Variants in GNB1 observed in about 807,000 individuals in gnomAD.
GNB1 encodes guanine nucleotide-binding protein G(I)/G(S)/G(T) subunit beta-1.
Under a neutral mutation model 42.9 loss-of-function variants are expected in GNB1, and 2 were observed. The observed-to-expected ratio is 0.05, with a 90% CI of 0.02 to 0.15. The LOEUF (loss-of-function observed/expected upper bound fraction) is 0.15, where lower values mean the gene tolerates loss of function less well. Among genes scored for constraint, GNB1 ranks in the 10% least tolerant of loss-of-function variants. The pLI, the probability that GNB1 is intolerant of heterozygous loss-of-function variation, is 1.00. For missense variants in GNB1, 193 were observed against 462.2 expected, an observed-to-expected ratio of 0.42 and a Z score of 5.34; for synonymous variants, 183 against 174.7, an observed-to-expected ratio of 1.05 and a Z score of -0.38.
At position 1,838,990 on chromosome 1, in the gene GNB1, G is replaced by A. The variant is rs77197462; in HGVS notation, c.-47+200C>T. 8.4e-3 allele frequency among the ~76,000 whole-genome samples: 1,284 copies of A among 152,232 alleles called. 22 individuals carry two copies. Among genetic ancestry groups the A allele is most frequent in the African/African-American group, 0.029 (1,224 of 41,518 alleles). Reference sequence around the variant, plus strand: ...CAGGGTATTGACCAGGCATGCTGGCGTATGTCTATAGCCTCAGCTACTCAG... The same window carrying A: ...CAGGGTATTGACCAGGCATGCTGGCATATGTCTATAGCCTCAGCTACTCAG... On this transcript the variant is annotated intron_variant, in intron 2 of 11. Transcript: ENST00000378609.
At chr1:1,884,368 C>T (rs1358356954) in intron 1 of GNB1, among the ~76,000 whole-genome samples, 5 of 151,890 alleles carry the variant, frequency 3.3e-5, no homozygotes, top group Non-Finnish European at 5.9e-5. Flanking sequence ...TGAGCCACCG[C>T]GTCTGGGCTA....
chr1:1,884,869 G>A (rs1256961374), intron 1 of GNB1, among the ~76,000 whole-genome samples: 2 of 151,540 alleles, frequency 1.3e-5, no homozygotes, highest in Non-Finnish European at 2.9e-5. Flanking sequence ...ATTTTTAGCA[G>A]AGACAGGGTT....
intron 5 of GNB1, among the ~76,000 whole-genome samples, chr1:1,811,634 T>G (rs559361878): frequency 6.6e-6 from 1 of 151,134 alleles, no homozygotes; most frequent in South Asian, 2.1e-4. Flanking sequence ...AGGCAGAGCT[T>G]GCAGTGAGCT....
At chr1:1,791,520 G>A (rs1030811378) in intron 8 of GNB1, among the ~76,000 whole-genome samples, 1 of 152,220 alleles carries the variant, frequency 6.6e-6, no homozygotes, top group South Asian at 2.1e-4. Context: ...CTGTCAAAAG[G>A]TGAGACGCTG....
At chr1:1,877,330 T>TACAC (rs1410000989) in intron 1 of GNB1, among the ~76,000 whole-genome samples, 2 of 138,950 alleles carry the variant, frequency 1.4e-5, no homozygotes, top group Admixed American at 7.9e-5. Context: ...TATATATATA[T>TACAC]ACACACACAC....
intron 3 of GNB1, chr1:1,824,917 T>C (rs1646976848): frequency 1.3e-5 from 2 of 153,986 alleles, no homozygotes; most frequent in Non-Finnish European, 1.4e-5. Context: ...TAGCAGTCTA[T>C]CAGAAGCTGT....
At chr1:1,859,510 G>A (rs1410712883) in intron 1 of GNB1, among the ~76,000 whole-genome samples, 4 of 152,086 alleles carry the variant, frequency 2.6e-5, no homozygotes, top group African/African-American at 9.7e-5. Context: ...TTCAATAAAG[G>A]GAATGTGAAC....
intron 3 of GNB1, chr1:1,824,874 C>T (rs1646976386): frequency 6.6e-6 from 1 of 152,208 alleles, no homozygotes; most frequent in African/African-American, 2.4e-5. Flanking sequence ...CACACCCGGC[C>T]TCTATCTTGG....
chr1:1,793,064 C>CA lies in GNB1; in HGVS notation c.497+180dup, dbSNP rs33952351. Among the ~76,000 whole-genome samples the CA allele has an allele frequency of 0.31, 44,211 of 142,150 alleles. 6,716 individuals carry two copies. Among genetic ancestry groups the CA allele is most frequent in the Non-Finnish European group, 0.34 (22,295 of 64,920 alleles). The allele number at this position is 142,150 out of a possible 152,430, so 93.3% of individuals were successfully genotyped here. A position where few individuals can be genotyped will look rare whatever the true frequency, so the allele number is the denominator to read the frequency against. ...GGGTGACAAGAACAAAACTCCATCTCAAAAAAAAAAAAAGTATAATGAATT... is the reference window on the plus strand; with the variant it reads ...GGGTGACAAGAACAAAACTCCATCTCAAAAAAAAAAAAAAGTATAATGAATT... On this transcript the variant is annotated intron_variant, in intron 8 of 11. Transcript: ENST00000378609.
chr1:1,886,028 C>G (rs1340135764), intron 1 of GNB1, among the ~76,000 whole-genome samples: 1 of 151,734 alleles, frequency 6.6e-6, no homozygotes, highest in East Asian at 1.9e-4. Context: ...TTTCAGCATT[C>G]CGGCAGGGCA....
chr1:1,813,733 C>T (rs908202529), intron 5 of GNB1, among the ~76,000 whole-genome samples: 4 of 152,218 alleles, frequency 2.6e-5, no homozygotes, highest in Non-Finnish European at 4.4e-5. Context: ...TCAAGCCATT[C>T]GCCTGCCTTG....
At chr1:1,851,089 G>A (rs993920698) in intron 1 of GNB1, among the ~76,000 whole-genome samples, 69 of 152,062 alleles carry the variant, frequency 4.5e-4, no homozygotes, top group Non-Finnish European at 2.1e-4. Flanking sequence ...CCAAGATGGT[G>A]AAACCCCGTC....
intron 9 of GNB1, among the ~76,000 whole-genome samples, chr1:1,789,496 C>T (rs1042227806): frequency 6.6e-6 from 1 of 152,094 alleles, no homozygotes; most frequent in East Asian, 1.9e-4. Flanking sequence ...AGTTTGAGAC[C>T]AGCCTGACCA....
At chr1:1,874,357 C>G (rs1436274934) in intron 1 of GNB1, among the ~76,000 whole-genome samples, 1 of 152,064 alleles carries the variant, frequency 6.6e-6, no homozygotes, top group African/African-American at 2.4e-5. Context: ...GTCTGTAATC[C>G]TAGCACTTTG....
chr1:1,885,551 CTTTT>C (rs60651257), intron 1 of GNB1, among the ~76,000 whole-genome samples: 11 of 94,064 alleles, frequency 1.2e-4, no homozygotes, highest in African/African-American at 3.9e-4. Flanking sequence ...TCCACTTAAT[CTTTT>C]TTTTTTTTTT....
chr1:1,889,748 G>A (rs997098454), intron 1 of GNB1, among the ~76,000 whole-genome samples: 1 of 151,302 alleles, frequency 6.6e-6, no homozygotes, highest in African/African-American at 2.4e-5. Context: ...GTAATTTAAC[G>A]GACACAAGAA....
intron 7 of GNB1, among the ~76,000 whole-genome samples, chr1:1,799,553 A>G (rs1452971759): frequency 6.6e-6 from 1 of 152,182 alleles, no homozygotes; most frequent in Non-Finnish European, 1.5e-5. Flanking sequence ...GGTCAGTGTG[A>G]GCTGCCTGGC....
At chr1:1,852,569 C>T (rs562423115) in intron 1 of GNB1, among the ~76,000 whole-genome samples, 1 of 152,048 alleles carries the variant, frequency 6.6e-6, no homozygotes, top group Non-Finnish European at 1.5e-5. Flanking sequence ...GTGGTGCATA[C>T]CTGTAGTCCT....
chr1:1,846,824 T>C (rs1647695923), intron 1 of GNB1, among the ~76,000 whole-genome samples: 1 of 152,182 alleles, frequency 6.6e-6, no homozygotes, highest in Admixed American at 6.5e-5. Context: ...CCTCCCAAAG[T>C]GCTCAGATTA....
Sources: gnomAD v4.1 joint callset for allele counts (sites outside exome capture counted in the v4.1 genomes callset) on GRCh38, gnomAD v4.1.1 for gene constraint, MANE v1.5 for transcripts, NCBI Gene and HGNC (gene_info 2026-07-23, HGNC 2026-07-21) for gene names.